The following SP2 variants were observed in gnomAD, a reference collection of about 807,000 sequenced individuals.
The protein encoded by SP2 is transcription factor Sp2.
A neutral mutation model predicts 50.1 loss-of-function variants in SP2; 9 were observed. The observed-to-expected ratio is 0.18, with a 90% CI of 0.11 to 0.31. SP2 has a LOEUF of 0.31. Ranked by LOEUF, SP2 falls within the 10% of genes least tolerant of loss-of-function variation. The pLI, the probability that SP2 is intolerant of heterozygous loss-of-function variation, is 1.00. For missense variants in SP2, 581 were observed against 806.5 expected, an observed-to-expected ratio of 0.72 and a Z score of 3.39; for synonymous variants, 313 against 326.6, an observed-to-expected ratio of 0.96 and a Z score of 0.45.
intron 3 of SP2, 130 bp from the exon 4 acceptor site, chr17:47,922,832 T>C: frequency 1.3e-6 from 1 of 744,372 alleles, no homozygotes. Context: ...TGTATAAATG[T>C]AGGTTTGGGT....
intron 4 of SP2, 50 bp downstream of exon 4, chr17:47,923,324 G>A: frequency 6.7e-7 from 1 of 1,487,656 alleles, no homozygotes; most frequent in Non-Finnish European, 9.1e-7. Flanking sequence ...CCTGCTCCTA[G>A]CAGGTGGAAA....
In SP2 at chr17:47,916,265, G is replaced by A. The variant is rs2035198565; in HGVS notation, c.194G>A (p.Arg65Gln). The A allele has an allele frequency of 1.2e-6, 2 of 1,614,036 alleles. No homozygotes were observed. Among genetic ancestry groups the A allele is most frequent in the Non-Finnish European group, 1.7e-6 (2 of 1,180,008 alleles). ...TPPAPPQPTP[R>Q]KLVPIKPAPL... ...CCTGCTCCCCCACAGCCCACACCGCGGAAACTTGTCCCTATCAAACCTGCC... is the reference window on the plus strand; with the variant it reads ...CCTGCTCCCCCACAGCCCACACCGCAGAAACTTGTCCCTATCAAACCTGCC... The change falls in exon 3 of 7, where the codon CGG becomes CAG. Residue 65 changes from arginine (R) to glutamine (Q), a missense_variant. Around this residue, in one of 2 missense-constraint regions of SP2, gnomAD observed 397 missense variants for 491.0 expected, o/e 0.81. Transcript: ENST00000376741. This position sits in a 1 kb window ranked among gnomAD's most constrained non-coding sequence, Gnocchi z 4.7.
At chr17:47,926,339 G>T (rs1324969532) in intron 6 of SP2, among the ~76,000 whole-genome samples, 9 of 150,678 alleles carry the variant, frequency 6.0e-5, no homozygotes, top group Non-Finnish European at 1.0e-4. Flanking sequence ...TTAAGACAGG[G>T]TCTCACTCTT....
rs1231253263 is a variant in SP2, at chr17:47,916,878, G to A, written c.807G>A (p.Leu269=). Residue 269 remains leucine, a synonymous_variant, in exon 3 of 7, where the codon CTG becomes CTA. Coordinates refer to ENST00000376741, the MANE Select transcript of SP2 (RefSeq NM_003110.6). This position sits in a 1 kb window ranked among gnomAD's most constrained non-coding sequence, Gnocchi z 4.7. ...TGGCTGAGCAGGTGGAGACGGTGCT[G>A]ATCGAGACCACCGCGGACAACATCA... is the stretch of plus-strand genomic sequence containing the variant. The part of the protein sequence containing the change: ...VAVAEQVETV[L]IETTADNIIQ... 5 of 1,614,160 alleles carry A rather than the reference G, an allele frequency of 3.1e-6. No homozygotes were observed. The East Asian group carries it at 8.9e-5, about 29-fold the overall frequency.
chr17:47,929,819 A>C (rs1027720377), downstream of SP2: 1 of 152,626 alleles, frequency 6.6e-6, no homozygotes, highest in Non-Finnish European at 1.5e-5. Flanking sequence ...GCTTTCACTC[A>C]CCCTCGAAAG....
At chr17:47,908,882 G>A (rs2034868836) in intron 1 of SP2, among the ~76,000 whole-genome samples, 1 of 152,090 alleles carries the variant, frequency 6.6e-6, no homozygotes, top group Admixed American at 6.6e-5. Flanking sequence ...AGATCATTTG[G>A]TCCAACTTCC....
chr17:47,907,867 C>G (rs1267610848), intron 1 of SP2, among the ~76,000 whole-genome samples: 1 of 152,150 alleles, frequency 6.6e-6, no homozygotes, highest in Non-Finnish European at 1.5e-5. Flanking sequence ...TGCCTTTGAT[C>G]ATAGTCTTAC....
rs76608460 is a variant in SP2, at chr17:47,904,263, A to C, written c.7+7970A>C. On this transcript the variant is annotated intron_variant, in intron 1 of 6. Coordinates refer to ENST00000376741, the MANE Select transcript of SP2 (RefSeq NM_003110.6). ...CTGGGTGACAGTGAGACTCTGTCCC[A>C]AAAAAAAAAAAAAAAAAGAAGTAGA... 1.1e-4 allele frequency among the ~76,000 whole-genome samples: 7 copies of C among 62,588 alleles called. No individual in the cohort carries two copies. The East Asian group carries it at 2.5e-3, about 23-fold the overall frequency. The allele number at this position is 62,588 out of a possible 152,430, so 41.1% of individuals were successfully genotyped here. A position where few individuals can be genotyped will look rare whatever the true frequency, so the allele number is the denominator to read the frequency against.
intron 3 of SP2, among the ~76,000 whole-genome samples, chr17:47,918,267 A>T (rs1029723043): frequency 1.3e-5 from 2 of 152,206 alleles, no homozygotes; most frequent in Non-Finnish European, 2.9e-5. Flanking sequence ...TGGACATAGA[A>T]ATCACACAGG....
Position 47,925,034 on chromosome 17 carries a change from C to T in SP2, c.1488C>T (p.Pro496=), listed in dbSNP as rs138122841. Residue 496 remains proline, a synonymous_variant, in exon 5 of 7, where the codon CCC becomes CCT. Transcript: ENST00000376741. The part of the protein sequence containing the change: ...MEQALAGETQ[P]GEKRRRMACT... Reference sequence around the variant, plus strand: ...AAGCCCTGGCCGGAGAGACCCAGCCCGGGGAGAAGCGGCGCCGCATGGCCT... The same window carrying T: ...AAGCCCTGGCCGGAGAGACCCAGCCTGGGGAGAAGCGGCGCCGCATGGCCT... 14 of 1,614,006 alleles carry T rather than the reference C, an allele frequency of 8.7e-6. No homozygotes were observed. The highest frequency in any genetic ancestry group is 1.1e-5 in the South Asian group (1 of 91,070).
At chr17:47,904,332 T>C (rs141039768) in intron 1 of SP2, among the ~76,000 whole-genome samples, 2 of 150,874 alleles carry the variant, frequency 1.3e-5, no homozygotes, top group Non-Finnish European at 2.9e-5. Context: ...TCTGGTGGTG[T>C]GAACAGTTTT....
In SP2 at chr17:47,916,794, T is replaced by TA; in HGVS notation, c.725dup (p.Thr243AspfsTer2). ...CTGAAAGCCCCCCAACCCCGCTGTC[T>TA]AAGACTAACAAGAAAGCAAGGAAGA... On this transcript the variant is annotated frameshift_variant, in exon 3 of 7. Transcript: ENST00000376741. LOFTEE classifies it high-confidence loss of function. This position sits in a 1 kb window ranked among gnomAD's most constrained non-coding sequence, Gnocchi z 4.7. The TA allele has an allele frequency of 6.2e-7, 1 of 1,614,062 alleles. No individual in the cohort carries two copies. The highest frequency in any genetic ancestry group is 8.5e-7 in the Non-Finnish European group (1 of 1,179,928).
At chr17:47,902,675 C>T (rs760092287) in intron 1 of SP2, among the ~76,000 whole-genome samples, 1 of 152,214 alleles carries the variant, frequency 6.6e-6, no homozygotes, top group Non-Finnish European at 1.5e-5. Context: ...TATTCATTCA[C>T]TGCAGTGGCG....
In SP2 at chr17:47,917,056, G is replaced by GCCA; in HGVS notation, c.988_990dup (p.Thr330dup). ...TCTGCGGGTGGTGCAGGCGGCATCT[G>GCCA]CCACCCTCCCCACTGTACCCCAGAA... On this transcript the variant is annotated inframe_insertion, in exon 3 of 7. Transcript: ENST00000376741. 1 of 1,613,940 alleles carries GCCA rather than the reference G, an allele frequency of 6.2e-7. No individual in the cohort carries two copies. The highest frequency in any genetic ancestry group is 2.2e-5 in the East Asian group (1 of 44,888).
intron 1 of SP2, among the ~76,000 whole-genome samples, chr17:47,904,992 G>A (rs944516060): frequency 1.3e-5 from 2 of 152,080 alleles, no homozygotes; most frequent in Non-Finnish European, 2.9e-5. Flanking sequence ...GGCTAGTCTT[G>A]AACCCCTGGC....
intron 1 of SP2, among the ~76,000 whole-genome samples, chr17:47,906,868 G>GTTTACATA (rs2034783918): frequency 1.3e-5 from 2 of 152,206 alleles, no homozygotes; most frequent in Non-Finnish European, 2.9e-5. Flanking sequence ...TGAGTTGGCA[G>GTTTACATA]CCTGTGGAAG....
Position 47,916,779 on chromosome 17 carries a change from C to T in SP2, c.708C>T (p.Pro236=), listed in dbSNP as rs747262145. ...CTACTCAGCTCCTCACTGAAAGCCC[C>T]CCAACCCCGCTGTCTAAGACTAACA... ...GAPTQLLTES[P]PTPLSKTNKK... is the part of the protein sequence containing the mutation. Residue 236 remains proline, a synonymous_variant, in exon 3 of 7, where the codon CCC becomes CCT. Transcript: ENST00000376741. This position sits in a 1 kb window ranked among gnomAD's most constrained non-coding sequence, Gnocchi z 4.7. The T allele has an allele frequency of 1.9e-6, 3 of 1,613,952 alleles. No homozygotes were observed. Among genetic ancestry groups the T allele is most frequent in the Middle Eastern group, 1.6e-4 (1 of 6,062 alleles).
At chr17:47,930,889 C>T (rs1183819079), downstream of SP2, among the ~76,000 whole-genome samples, 1 of 152,158 alleles carries the variant, frequency 6.6e-6, no homozygotes, top group Admixed American at 6.5e-5. Flanking sequence ...CTCATTATCC[C>T]ACAGCCTAGG....
At chr17:47,921,237 A>G (rs1010903329) in intron 3 of SP2, among the ~76,000 whole-genome samples, 8 of 151,968 alleles carry the variant, frequency 5.3e-5, no homozygotes, top group Non-Finnish European at 1.2e-4. Flanking sequence ...GTCATTATGG[A>G]CTCACGGATT....
Sources: gnomAD v4.1 joint callset for allele counts (sites outside exome capture counted in the v4.1 genomes callset) on GRCh38, gnomAD v4.1.1 for gene constraint, gnomAD v4.1.1 regional missense constraint, Gnocchi (gnomAD v3.1) non-coding constraint, MANE v1.5 for transcripts, NCBI Gene and HGNC (gene_info 2026-07-23, HGNC 2026-07-21) for gene names.